Variants in SLC6A13 observed in about 807,000 individuals in gnomAD.
The protein encoded by SLC6A13 is solute carrier family 6 member 13, also known as sodium- and chloride-dependent GABA transporter 2.
SLC6A13 carries 69 observed loss-of-function variants against 72.9 expected under a neutral mutation model. That is an observed-to-expected ratio of 0.95 (90% CI 0.78 to 1.16). The LOEUF is 1.16. Ranked by LOEUF, SLC6A13 falls within the 50% of genes most tolerant of loss-of-function variation. The pLI, the probability that SLC6A13 is intolerant of heterozygous loss-of-function variation, is 0.00. For synonymous variants in SLC6A13, 303 were observed against 303.0 expected (o/e 1.00, Z 0.00); for missense variants, 735 against 760.5 (o/e 0.97, Z 0.39).
intron 2 of SLC6A13, chr12:258,948 A>G: frequency 1.0e-6 from 1 of 985,596 alleles, no homozygotes; most frequent in Non-Finnish European, 1.2e-6. Flanking sequence ...AAAAGACACA[A>G]GACCAAGGCT....
intron 7 of SLC6A13, among the ~76,000 whole-genome samples, chr12:233,252 C>T (rs1484497935): frequency 1.3e-5 from 2 of 152,172 alleles, no homozygotes; most frequent in Admixed American, 6.5e-5. Flanking sequence ...GCCTCTGGGG[C>T]GGAGCTTACC....
rs2137316301 is a variant in SLC6A13, at chr12:254,091, T to A, written c.202+5760A>T. Among the ~76,000 whole-genome samples the A allele has an allele frequency of 6.6e-6, 1 of 152,330 alleles. No homozygotes were observed. Among genetic ancestry groups the A allele is most frequent in the African/African-American group, 2.4e-5 (1 of 41,570 alleles). ...ATCTCCTCGTCCCATGACTGGAACT[T>A]TAACTGGGCAGGCCCTAGTAGAAAA... is the stretch of plus-strand genomic sequence containing the variant. On this transcript the variant is annotated intron_variant, in intron 2 of 14. Transcript: ENST00000343164. This position sits in a 1 kb window ranked among gnomAD's most constrained non-coding sequence, Gnocchi z 4.4.
At chr12:261,841 G>A (rs1455774374) in intron 1 of SLC6A13, among the ~76,000 whole-genome samples, 3 of 151,782 alleles carry the variant, frequency 2.0e-5, no homozygotes, top group Non-Finnish European at 2.9e-5. Context: ...CAGGAGAATC[G>A]CTTGAAACCA....
In SLC6A13 at chr12:223,144, C is replaced by G. The variant is rs1265835615; in HGVS notation, c.1402G>C (p.Ala468Pro). 6.2e-7 allele frequency: 1 copy of G among 1,610,950 alleles called. No homozygotes were observed. Among genetic ancestry groups the G allele is most frequent in the Non-Finnish European group, 8.5e-7 (1 of 1,177,326 alleles). The change falls in exon 12 of 15, where the codon GCT becomes CCT. Residue 468 changes from alanine (A) to proline (P), a missense_variant. Physicochemically the swap from Ala to Pro is conservative, Grantham distance 27. Coordinates refer to ENST00000343164, the MANE Select transcript of SLC6A13 (RefSeq NM_016615.5). ...FVAIFESLCV[A>P]WVYGAKRFYD... ...AGGAGTCACTCACCGTAAACCCAAG[C>G]CACACAGAGGGACTCGAAGATGGCC...
At chr12:255,268 G>A (rs937932061) in intron 2 of SLC6A13, among the ~76,000 whole-genome samples, 1 of 152,074 alleles carries the variant, frequency 6.6e-6, no homozygotes, top group African/African-American at 2.4e-5. Flanking sequence ...GGGTGTTTGG[G>A]TAGAGTCAAG....
chr12:259,958 C>G lies in SLC6A13; in HGVS notation c.95G>C (p.Arg32Pro). Residue 32 changes from arginine (R) to proline (P), a missense_variant, in exon 2 of 15, where the codon CGG becomes CCG. Coordinates refer to ENST00000343164, the MANE Select transcript of SLC6A13 (RefSeq NM_016615.5). ...EKKEEDGTLE[R>P]GHWNNKMEFV... ...CTCCATCTTGTTGTTCCAGTGCCCC[C>G]GCTCCAGGGTGCCATCTTCCTCCTT... is the stretch of plus-strand genomic sequence containing the variant. The G allele has an allele frequency of 6.2e-7, 1 of 1,614,214 alleles. No homozygotes were observed. The highest frequency in any genetic ancestry group is 1.1e-5 in the South Asian group (1 of 91,092).
intron 2 of SLC6A13, among the ~76,000 whole-genome samples, chr12:245,296 C>G (rs993617266): frequency 9.2e-5 from 14 of 152,214 alleles, no homozygotes; most frequent in Non-Finnish European, 1.9e-4. Flanking sequence ...ACCGAGCACA[C>G]TTCTATTGCT....
At chr12:248,613 G>A (rs1321438301) in intron 2 of SLC6A13, among the ~76,000 whole-genome samples, 1 of 152,116 alleles carries the variant, frequency 6.6e-6, no homozygotes, top group Non-Finnish European at 1.5e-5. Flanking sequence ...TAATGACAGA[G>A]CTTCAAAATG....
intron 4 of SLC6A13, among the ~76,000 whole-genome samples, chr12:239,244 A>C (rs1942069446): frequency 3.4e-5 from 1 of 29,290 alleles, no homozygotes; most frequent in Admixed American, 2.8e-4. Context: ...CCATTCCCAC[A>C]CCATTCCCTT....
chr12:260,216 G>T (rs1222265414), intron 1 of SLC6A13, among the ~76,000 whole-genome samples, 159 bp from the exon 2 acceptor site: 1 of 152,188 alleles, frequency 6.6e-6, no homozygotes, highest in East Asian at 1.9e-4. Context: ...AGTTCTCATT[G>T]GTAGAAGCTG....
At chr12:248,351 C>T (rs924391349) in intron 2 of SLC6A13, among the ~76,000 whole-genome samples, 1 of 148,982 alleles carries the variant, frequency 6.7e-6, no homozygotes, top group African/African-American at 2.5e-5. Context: ...ATGCAGTGAG[C>T]CGAGGTTGCA....
chr12:257,023 C>T (rs1221371477), intron 2 of SLC6A13, among the ~76,000 whole-genome samples: 1 of 152,156 alleles, frequency 6.6e-6, no homozygotes, highest in Admixed American at 6.5e-5. Context: ...CAGCCTCCTT[C>T]CCACATCAGC....
At chr12:233,675 C>T (rs184628754) in intron 7 of SLC6A13, among the ~76,000 whole-genome samples, 4 of 150,742 alleles carry the variant, frequency 2.7e-5, no homozygotes, top group Admixed American at 6.6e-5. Flanking sequence ...ATGTACGAAG[C>T]GGGTGGGGAG....
Position 242,755 on chromosome 12 carries a change from C to T in SLC6A13, c.338-1G>A, listed in dbSNP as rs750661117. 6.3e-7 allele frequency: 1 copy of T among 1,577,700 alleles called. No individual in the cohort carries two copies. On this transcript the variant is annotated splice_acceptor_variant, in intron 3 of 14. Transcript: ENST00000343164. LOFTEE classifies it high-confidence loss of function. Reference sequence around the variant, plus strand: ...ATCATCTGGGAGGCATAGCCAATGCCTGCGGGGAAACTGCAGAATTGGGCT... The same window carrying T: ...ATCATCTGGGAGGCATAGCCAATGCTTGCGGGGAAACTGCAGAATTGGGCT...
intron 2 of SLC6A13, among the ~76,000 whole-genome samples, chr12:251,536 G>C (rs1942548129): frequency 6.6e-6 from 1 of 152,076 alleles, no homozygotes; most frequent in Non-Finnish European, 1.5e-5. Context: ...GAAAATATGA[G>C]GCCTTGGGTT....
intron 4 of SLC6A13, among the ~76,000 whole-genome samples, chr12:241,677 A>G (rs565564235): frequency 2.6e-5 from 4 of 152,258 alleles, no homozygotes; most frequent in Admixed American, 1.3e-4. Flanking sequence ...AAGAACTACC[A>G]TATTGGATAG....
intron 4 of SLC6A13, 166 bp from the exon 5 acceptor site, chr12:238,176 CA>C: frequency 6.5e-7 from 1 of 1,533,864 alleles, no homozygotes; most frequent in Non-Finnish European, 8.7e-7. Flanking sequence ...ATAACCTCAA[CA>C]AATGCAGCTC....
At chr12:237,574 G>T (rs1305597702) in intron 5 of SLC6A13, among the ~76,000 whole-genome samples, 2 of 151,556 alleles carry the variant, frequency 1.3e-5, no homozygotes, top group Non-Finnish European at 2.9e-5. Context: ...TTGACAGCAG[G>T]ACTCTTGCCC....
chr12:245,347 A>G (rs886841137), intron 2 of SLC6A13, among the ~76,000 whole-genome samples: 1 of 152,228 alleles, frequency 6.6e-6, no homozygotes, highest in African/African-American at 2.4e-5. Flanking sequence ...AAGAGCAAGT[A>G]ACTTCACTGA....
Sources: allele counts gnomAD v4.1 joint callset (sites outside exome capture counted in the v4.1 genomes callset), GRCh38; gene constraint gnomAD v4.1.1; non-coding constraint Gnocchi (gnomAD v3.1); transcripts MANE v1.5; gene names NCBI Gene and HGNC (gene_info 2026-07-23, HGNC 2026-07-21).